NRTN: variants seen among roughly 807,000 people sequenced by gnomAD.
NRTN encodes neurturin.
NRTN carries 3 observed loss-of-function variants against 7.5 expected under a neutral mutation model. The ratio of observed to expected loss-of-function variants is 0.40; its 90% confidence interval spans 0.18 to 1.03. NRTN has a LOEUF of 1.03. NRTN is among the 50% of genes least tolerant of loss of function. The pLI, the probability that NRTN is intolerant of heterozygous loss-of-function variation, is 0.34. For missense variants in NRTN, 310 were observed against 307.0 expected (o/e 1.01, Z -0.07); for synonymous variants, 157 against 146.6 (o/e 1.07, Z -0.51).
chr19:5,821,659 A>G (rs1555734921), intron 1 of NRTN, among the ~76,000 whole-genome samples: 10 of 148,940 alleles, frequency 6.7e-5, no homozygotes, highest in Non-Finnish European at 1.5e-5. Context: ...GCAAATGTCT[A>G]TGAGCGCCTA....
Position 5,827,987 on chromosome 19 carries a change from T to G in NRTN, c.408T>G (p.Ala136=). ...GCTACTGCGCAGGCGCCTGCGAGGC[T>G]GCCGCGCGCGTCTACGACCTCGGGC... ...LFRYCAGACE[A]AARVYDLGLR... is the part of the protein sequence containing the mutation. The change falls in exon 3 of 3, where the codon GCT becomes GCG. Residue 136 remains alanine (A), a synonymous_variant. Coordinates refer to ENST00000303212, the MANE Select transcript of NRTN (RefSeq NM_004558.5). 1 of 1,462,774 alleles carries G rather than the reference T, an allele frequency of 6.8e-7. No individual in the cohort carries two copies. The highest frequency in any genetic ancestry group is 9.0e-7 in the Non-Finnish European group (1 of 1,112,924). 90.6% of individuals were successfully genotyped at this position (1,462,774 alleles called of 1,614,324 possible). A position where few individuals can be genotyped will look rare whatever the true frequency, so the allele number is the denominator to read the frequency against.
rs575975625 is a variant in NRTN, at chr19:5,805,280, C to CG, written c.-564dup. Among the ~76,000 whole-genome samples, 145,828 of 145,852 alleles carry CG rather than the reference C, an allele frequency of 1. 72,902 individuals carry two copies. Among genetic ancestry groups the CG allele is most frequent in the Middle Eastern group, 1 (288 of 288 alleles). On this transcript the variant is annotated 5_prime_UTR_variant, in exon 1 of 3. Transcript: ENST00000303212. ...GCCGCAGCCCGCGGCTAAGCGAGCC[C>CG]GGGGGGCCCCATGGGCCGGCCCGCG...
chr19:5,812,849 G>A (rs903366225), intron 1 of NRTN, among the ~76,000 whole-genome samples: 4 of 152,234 alleles, frequency 2.6e-5, no homozygotes, highest in African/African-American at 9.6e-5. Context: ...AACAGGCCCA[G>A]CTGTGAGCCC....
intron 1 of NRTN, among the ~76,000 whole-genome samples, chr19:5,822,452 C>T (rs892188999): frequency 2.0e-5 from 3 of 152,338 alleles, no homozygotes; most frequent in East Asian, 1.9e-4. Context: ...CTGGGGGCCG[C>T]GGGACGCTCG....
At chr19:5,807,092 G>A (rs1385716217) in intron 1 of NRTN, among the ~76,000 whole-genome samples, 2 of 152,102 alleles carry the variant, frequency 1.3e-5, no homozygotes. Context: ...CTCAGAGGTG[G>A]GGCTGTGAAG....
intron 1 of NRTN, among the ~76,000 whole-genome samples, chr19:5,820,062 C>T (rs990847879): frequency 2.0e-5 from 3 of 150,388 alleles, no homozygotes; most frequent in South Asian, 2.1e-4. Flanking sequence ...GTCAGGAGAT[C>T]GAGACCATCC....
intron 1 of NRTN, among the ~76,000 whole-genome samples, chr19:5,823,323 A>C (rs708689): frequency 0.35 from 53,206 of 151,348 alleles, 9,535 homozygotes; most frequent in East Asian, 0.54. Context: ...GGGCTGAGGC[A>C]GGAGAATCGC....
intron 1 of NRTN, among the ~76,000 whole-genome samples, chr19:5,816,550 T>C (rs1002066529): frequency 6.6e-6 from 1 of 152,112 alleles, no homozygotes; most frequent in Non-Finnish European, 1.5e-5. Flanking sequence ...GGCTAATTTT[T>C]TTTGTATTTT....
At chr19:5,815,283 G>A (rs2057001472) in intron 1 of NRTN, among the ~76,000 whole-genome samples, 1 of 152,146 alleles carries the variant, frequency 6.6e-6, no homozygotes, top group Admixed American at 6.6e-5. Flanking sequence ...GTGTGTGTAA[G>A]TGGGATCATG....
chr19:5,808,161 A>G (rs900069351), intron 1 of NRTN, among the ~76,000 whole-genome samples: 1 of 152,146 alleles, frequency 6.6e-6, no homozygotes, highest in African/African-American at 2.4e-5. Flanking sequence ...ACCCAGTGTT[A>G]GGGTTTAACC....
intron 2 of NRTN, among the ~76,000 whole-genome samples, chr19:5,825,012 G>T (rs1024944517): frequency 6.6e-6 from 1 of 152,070 alleles, no homozygotes; most frequent in African/African-American, 2.4e-5. Flanking sequence ...GGCGGTGGGA[G>T]GAGAGAGAGG....
intron 1 of NRTN, among the ~76,000 whole-genome samples, chr19:5,818,070 T>C (rs2057011697): frequency 6.6e-6 from 1 of 151,790 alleles, no homozygotes; most frequent in East Asian, 1.9e-4. Context: ...TTCAAGTGAG[T>C]CTCCTGCCTC....
At chr19:5,809,506 T>A (rs935372693) in intron 1 of NRTN, among the ~76,000 whole-genome samples, 1 of 151,966 alleles carries the variant, frequency 6.6e-6, no homozygotes, top group African/African-American at 2.4e-5. Context: ...GTTGTTTACA[T>A]GCTCTTGACA....
chr19:5,810,555 T>A, intron 1 of NRTN, among the ~76,000 whole-genome samples: 1 of 152,192 alleles, frequency 6.6e-6, no homozygotes. Flanking sequence ...AAAGCACTCA[T>A]CACAGTGTCT....
chr19:5,823,325 G>C (rs1017934582), intron 1 of NRTN, among the ~76,000 whole-genome samples: 6 of 152,106 alleles, frequency 3.9e-5, no homozygotes, highest in Admixed American at 6.6e-5. Context: ...GCTGAGGCAG[G>C]AGAATCGCTT....
intron 1 of NRTN, among the ~76,000 whole-genome samples, chr19:5,808,074 C>A (rs1177461910): frequency 1.3e-5 from 2 of 152,146 alleles, no homozygotes; most frequent in African/African-American, 2.4e-5. Context: ...CAGAGTGAGA[C>A]CCCGTCTCAA....
At chr19:5,817,602 G>A (rs2057009681) in intron 1 of NRTN, among the ~76,000 whole-genome samples, 1 of 142,922 alleles carries the variant, frequency 7.0e-6, no homozygotes, top group East Asian at 2.1e-4. Flanking sequence ...GGAAGGAAGG[G>A]AGGGAGAGAG....
intron 1 of NRTN, among the ~76,000 whole-genome samples, chr19:5,813,073 G>A (rs900014342): frequency 6.6e-6 from 1 of 152,054 alleles, no homozygotes; most frequent in Non-Finnish European, 1.5e-5. Flanking sequence ...GGCACCCTTC[G>A]TGCCCTATTG....
chr19:5,811,098 G>A (rs528025861), intron 1 of NRTN, among the ~76,000 whole-genome samples: 1 of 151,818 alleles, frequency 6.6e-6, no homozygotes, highest in Non-Finnish European at 1.5e-5. Context: ...AATTAGCTGG[G>A]TGTAGTGGCG....
Sources: allele counts gnomAD v4.1 joint callset (sites outside exome capture counted in the v4.1 genomes callset), GRCh38; gene constraint gnomAD v4.1.1; transcripts MANE v1.5; gene names NCBI Gene and HGNC (gene_info 2026-07-23, HGNC 2026-07-21).